The following DDIAS variants were observed in gnomAD, a reference collection of about 807,000 sequenced individuals.
DDIAS encodes the protein DNA damage-induced apoptosis suppressor protein.
Under a neutral mutation model 15.7 loss-of-function variants are expected in DDIAS, and 14 were observed. The observed-to-expected ratio is 0.89, with a 90% confidence interval of 0.59 to 1.39. DDIAS has a LOEUF of 1.39. DDIAS is among the 40% of genes most tolerant of loss of function. DDIAS has a pLI of 0.00. For synonymous variants in DDIAS, 355 were observed against 395.9 expected (o/e 0.90, Z 1.23); for missense variants, 1,035 against 1,130.9 (o/e 0.92, Z 1.22).
At chr11:82,916,735 T>C (rs909189309) in intron 3 of DDIAS, among the ~76,000 whole-genome samples, 1 of 152,222 alleles carries the variant, frequency 6.6e-6, no homozygotes, top group African/African-American at 2.4e-5. Context: ...GTGGGCATTA[T>C]ATCTTTTAAT....
chr11:82,905,729 C>T (rs973793954), intron 1 of DDIAS, among the ~76,000 whole-genome samples: 5 of 152,026 alleles, frequency 3.3e-5, no homozygotes, highest in Admixed American at 2.6e-4. Flanking sequence ...AGGTAGGGAC[C>T]TTGTCTGTTT....
At position 82,932,746 on chromosome 11, in the gene DDIAS, G is replaced by A; in HGVS notation, c.1408G>A (p.Gly470Arg). The change falls in exon 6 of 6, where the codon GGA becomes AGA. Residue 470 changes from glycine to arginine, a missense_variant. Gly to Arg is a moderately radical substitution (Grantham distance 125). Transcript: ENST00000533655. ...RLSVTPQRTTGALHTPPIALR... is the reference protein window; with the variant it reads ...RLSVTPQRTTRALHTPPIALR... Reference sequence around the variant, plus strand: ...ATCTGTGACTCCCCAGAGAACTACTGGAGCCCTGCATACACCACCTATAGC... The same window carrying A: ...ATCTGTGACTCCCCAGAGAACTACTAGAGCCCTGCATACACCACCTATAGC... 3 of 1,614,050 alleles carry A rather than the reference G, an allele frequency of 1.9e-6. No individual in the cohort carries two copies. The highest frequency in any genetic ancestry group is 2.5e-6 in the Non-Finnish European group (3 of 1,180,038).
chr11:82,922,426 T>C (rs1386358187), intron 3 of DDIAS, among the ~76,000 whole-genome samples: 4 of 152,182 alleles, frequency 2.6e-5, no homozygotes, highest in Non-Finnish European at 5.9e-5. Context: ...TTTTTCTTTG[T>C]GTTTGTTGGA....
chr11:82,906,196 C>A (rs780829740), intron 1 of DDIAS, among the ~76,000 whole-genome samples: 2 of 152,088 alleles, frequency 1.3e-5, no homozygotes, highest in African/African-American at 2.4e-5. Context: ...CTGTCTGAAA[C>A]GATCTTATTC....
chr11:82,929,347 C>G (rs533306890), intron 4 of DDIAS, among the ~76,000 whole-genome samples: 1 of 152,116 alleles, frequency 6.6e-6, no homozygotes, highest in Non-Finnish European at 1.5e-5. Context: ...ATCTGTATTG[C>G]AATTTAATTT....
chr11:82,901,976 A>G (rs1860317382), intron 1 of DDIAS, among the ~76,000 whole-genome samples, 154 bp downstream of exon 1: 1 of 152,190 alleles, frequency 6.6e-6, no homozygotes, highest in Admixed American at 6.5e-5. Flanking sequence ...GTAACAGAAT[A>G]TAAACGTCAG....
chr11:82,913,126 G>T (rs1422610417), intron 1 of DDIAS, among the ~76,000 whole-genome samples, 161 bp from the exon 2 acceptor site: 2 of 152,214 alleles, frequency 1.3e-5, no homozygotes, highest in Non-Finnish European at 2.9e-5. Context: ...GTGAGCACAT[G>T]CCACTGAAAA....
chr11:82,915,553 C>T (rs2121331363), intron 3 of DDIAS, among the ~76,000 whole-genome samples: 1 of 152,306 alleles, frequency 6.6e-6, no homozygotes, highest in Non-Finnish European at 1.5e-5. Context: ...ATTGGCAGTT[C>T]TAACTCATAT....
intron 4 of DDIAS, among the ~76,000 whole-genome samples, 188 bp downstream of exon 4, chr11:82,929,126 T>A (rs1425828230): frequency 6.6e-6 from 1 of 152,214 alleles, no homozygotes; most frequent in African/African-American, 2.4e-5. Context: ...TAAAACAGTC[T>A]CCTTTTATTT....
chr11:82,912,379 A>G (rs762091253), intron 1 of DDIAS, among the ~76,000 whole-genome samples: 6 of 152,202 alleles, frequency 3.9e-5, no homozygotes, highest in Non-Finnish European at 5.9e-5. Context: ...TGCAGCTTCT[A>G]CATCAGCGCT....
intron 4 of DDIAS, among the ~76,000 whole-genome samples, chr11:82,929,703 C>CAA (rs35770177): frequency 6.6e-4 from 57 of 86,268 alleles, no homozygotes; most frequent in Admixed American, 1.5e-3. Context: ...GACTCTGTCT[C>CAA]AAAAAAAAAA....
intron 3 of DDIAS, among the ~76,000 whole-genome samples, chr11:82,926,088 A>ATTTTTTTTT (rs71063242): frequency 1.5e-5 from 2 of 133,990 alleles, no homozygotes; most frequent in Non-Finnish European, 3.1e-5. Context: ...TTGGCAAGTA[A>ATTTTTTTTT]TTTTTTTTTT....
chr11:82,921,571 C>CTTTTTTTTTTTTT (rs968751055), intron 3 of DDIAS, among the ~76,000 whole-genome samples: 2 of 78,132 alleles, frequency 2.6e-5, no homozygotes, highest in Non-Finnish European at 4.8e-5. Flanking sequence ...TTCTTTCTTT[C>CTTTTTTTTTTTTT]TTTTTTTTTT....
intron 3 of DDIAS, among the ~76,000 whole-genome samples, chr11:82,916,452 T>C (rs764540470): frequency 3.9e-5 from 6 of 152,124 alleles, no homozygotes; most frequent in Admixed American, 3.3e-4. Flanking sequence ...AGCCTCAAAA[T>C]GGGGAAAGTA....
Position 82,934,362 on chromosome 11 carries a change from CTT to C in DDIAS, c.*30_*31del. 1 of 1,541,442 alleles carries C rather than the reference CTT, an allele frequency of 6.5e-7. No homozygotes were observed. Among genetic ancestry groups the C allele is most frequent in the Non-Finnish European group, 8.7e-7 (1 of 1,146,168 alleles). ...AAGTCACCTGAACCCAATTCCTGAA[CTT>C]TTAAATCTGTTTGGAAATGTTTGCC... On this transcript the variant is annotated 3_prime_UTR_variant, in exon 6 of 6. Coordinates refer to ENST00000533655, the MANE Select transcript of DDIAS (RefSeq NM_145018.4).
At chr11:82,903,541 G>T (rs915095718) in intron 1 of DDIAS, among the ~76,000 whole-genome samples, 1 of 152,194 alleles carries the variant, frequency 6.6e-6, no homozygotes, top group African/African-American at 2.4e-5. Flanking sequence ...TTTTTCATCA[G>T]TATTTCTCCT....
chr11:82,918,130 T>C (rs1256110487), intron 3 of DDIAS, among the ~76,000 whole-genome samples: 3 of 152,244 alleles, frequency 2.0e-5, no homozygotes, highest in African/African-American at 2.4e-5. Context: ...AAAAGCTCTT[T>C]AGTTTAATTA....
Position 82,932,337 on chromosome 11 carries a change from A to T in DDIAS, c.999A>T (p.Gly333=), listed in dbSNP as rs1332854456. ...TTCACAGCAGTCATCATGAAATTGG[A>T]GTTAATGACTCTAATTTATTCTCTT... The part of the protein sequence containing the change: ...SAVHSSHHEI[G]VNDSNLFSLE... Residue 333 remains glycine, a synonymous_variant, in exon 6 of 6, where the codon GGA becomes GGT. Transcript: ENST00000533655. 1 of 1,614,030 alleles carries T rather than the reference A, an allele frequency of 6.2e-7. No homozygotes were observed. The highest frequency in any genetic ancestry group is 8.5e-7 in the Non-Finnish European group (1 of 1,179,906).
chr11:82,930,746 T>TAAA (rs551775609), intron 5 of DDIAS, among the ~76,000 whole-genome samples: 1 of 136,936 alleles, frequency 7.3e-6, no homozygotes, highest in African/African-American at 2.8e-5. Context: ...TAGAAGAAGT[T>TAAA]AAAAAAAAAA....
Sources: allele counts gnomAD v4.1 joint callset (sites outside exome capture counted in the v4.1 genomes callset), GRCh38; gene constraint gnomAD v4.1.1; transcripts MANE v1.5; gene names NCBI Gene and HGNC (gene_info 2026-07-23, HGNC 2026-07-21).